The following LSAMP variants were observed in gnomAD, a reference collection of about 807,000 sequenced individuals.
LSAMP encodes limbic system-associated membrane protein.
A neutral mutation model predicts 38.6 loss-of-function variants in LSAMP; 7 were observed. The observed-to-expected ratio is 0.18, with a 90% CI of 0.10 to 0.34. The LOEUF (loss-of-function observed/expected upper bound fraction) is 0.34, where lower values mean the gene tolerates loss of function less well. LSAMP is among the 10% of genes least tolerant of loss of function. LSAMP has a pLI of 1.00. For synonymous variants in LSAMP, 154 were observed against 166.8 expected, an observed-to-expected ratio of 0.92 and a Z score of 0.59; for missense variants, 313 against 420.0, an observed-to-expected ratio of 0.75 and a Z score of 2.23.
intron 1 of LSAMP, among the ~76,000 whole-genome samples, chr3:116,139,913 T>G (rs1029205281): frequency 6.6e-6 from 1 of 152,006 alleles, no homozygotes; most frequent in Non-Finnish European, 1.5e-5. Context: ...CTTGTAGAAT[T>G]TATGGCCTAC....
At chr3:115,963,643 G>C (rs1378682629) in intron 3 of LSAMP, among the ~76,000 whole-genome samples, 2 of 152,010 alleles carry the variant, frequency 1.3e-5, no homozygotes, top group African/African-American at 2.4e-5. Flanking sequence ...GGTGTAAGAG[G>C]GTTTTAACTT....
intron 1 of LSAMP, among the ~76,000 whole-genome samples, chr3:116,095,698 C>T (rs1026009697): frequency 6.6e-6 from 1 of 152,178 alleles, no homozygotes; most frequent in Non-Finnish European, 1.5e-5. Flanking sequence ...CCAGTCACAG[C>T]TGGAGTTAGA....
At chr3:116,016,276 G>T (rs988630246) in intron 3 of LSAMP, among the ~76,000 whole-genome samples, 40 of 152,280 alleles carry the variant, frequency 2.6e-4, no homozygotes, top group African/African-American at 9.6e-4. Context: ...CCAGGAATAT[G>T]ATTATGATCA....
rs74562932 is a variant in LSAMP at position 116,216,802 on chromosome 3, C to T, written c.156-130246G>A. On this transcript the variant is annotated intron_variant, in intron 1 of 6. Transcript: ENST00000490035. ...TCTTGCAGTTCTGTTGAAATATTCA[C>T]AGCTAGTTTCTGCTTTACTTGATGG... Among the ~76,000 whole-genome samples the T allele has an allele frequency of 7.2e-5, 11 of 152,290 alleles. 1 individual carries two copies. The East Asian group carries it at 1.5e-3, about 21-fold the overall frequency.
chr3:115,902,265 G>A (rs1223721804), intron 3 of LSAMP, among the ~76,000 whole-genome samples: 1 of 151,852 alleles, frequency 6.6e-6, no homozygotes, highest in Admixed American at 6.6e-5. Context: ...ACTGAAAGTA[G>A]GAAGAAAATG....
At chr3:116,163,219 TC>T (rs1251403163) in intron 1 of LSAMP, among the ~76,000 whole-genome samples, 3 of 89,968 alleles carry the variant, frequency 3.3e-5, no homozygotes, top group South Asian at 4.9e-4. Flanking sequence ...ATGCTATCCC[TC>T]CCCCCTCCCC....
chr3:116,232,032 A>G (rs1458831515), intron 1 of LSAMP, among the ~76,000 whole-genome samples: 1 of 152,234 alleles, frequency 6.6e-6, no homozygotes, highest in East Asian at 1.9e-4. Context: ...TCAACCAGAA[A>G]CGTATTTCTA....
intron 3 of LSAMP, among the ~76,000 whole-genome samples, chr3:116,007,395 A>G (rs1426698452): frequency 1.3e-5 from 2 of 152,146 alleles, no homozygotes; most frequent in African/African-American, 4.8e-5. Context: ...TGAATTACCT[A>G]TTGAGGTTCC....
intron 1 of LSAMP, among the ~76,000 whole-genome samples, chr3:116,237,170 C>G (rs1271495433): frequency 6.6e-6 from 1 of 152,060 alleles, no homozygotes; most frequent in Non-Finnish European, 1.5e-5. Flanking sequence ...CCACTTTCTA[C>G]TCTCTACAGT....
chr3:116,108,901 C>T lies in LSAMP; in HGVS notation c.156-22345G>A, dbSNP rs534863387. ...TCACAGTGGAGGCAAGGAATTGCAA[C>T]TTTTTTCTGTTATTGTACACCTTGA... On this transcript the variant is annotated intron_variant, in intron 1 of 6. Coordinates refer to ENST00000490035, the MANE Select transcript of LSAMP (RefSeq NM_002338.5). 2.2e-3 allele frequency among the ~76,000 whole-genome samples: 337 copies of T among 152,200 alleles called. 2 individuals carry two copies. Among genetic ancestry groups the T allele is most frequent in the African/African-American group, 7.8e-3 (322 of 41,512 alleles).
At chr3:116,115,567 A>T (rs929578234) in intron 1 of LSAMP, among the ~76,000 whole-genome samples, 1 of 151,886 alleles carries the variant, frequency 6.6e-6, no homozygotes, top group Non-Finnish European at 1.5e-5. Flanking sequence ...CTGTTTATTT[A>T]ATTATTTTGG....
At chr3:116,149,267 A>G (rs963994659) in intron 1 of LSAMP, among the ~76,000 whole-genome samples, 3 of 152,028 alleles carry the variant, frequency 2.0e-5, no homozygotes, top group Non-Finnish European at 4.4e-5. Flanking sequence ...AATATGGGGA[A>G]GAAGGCTGGA....
intron 3 of LSAMP, among the ~76,000 whole-genome samples, chr3:115,861,089 C>T (rs1383617841): frequency 1.7e-5 from 2 of 118,900 alleles, no homozygotes; most frequent in Non-Finnish European, 3.4e-5. Flanking sequence ...TTCCTCCCCT[C>T]CCTCTCTCCC....
intron 2 of LSAMP, among the ~76,000 whole-genome samples, chr3:116,030,462 A>T (rs1940892904): frequency 6.6e-6 from 1 of 152,166 alleles, no homozygotes; most frequent in African/African-American, 2.4e-5. Context: ...TATTCCAGCC[A>T]TTTGGATATT....
intron 1 of LSAMP, among the ~76,000 whole-genome samples, chr3:116,181,687 T>A (rs1903436): frequency 1.3e-5 from 2 of 151,678 alleles, no homozygotes; most frequent in Non-Finnish European, 3.0e-5. Flanking sequence ...AGACAAATTA[T>A]TGTTATTATT....
intron 6 of LSAMP, among the ~76,000 whole-genome samples, chr3:115,811,320 G>A (rs542686468): frequency 2.0e-5 from 3 of 152,264 alleles, no homozygotes; most frequent in African/African-American, 7.2e-5. Flanking sequence ...AGAGGATTGG[G>A]GAGGAGGAAA....
intron 1 of LSAMP, among the ~76,000 whole-genome samples, chr3:116,118,393 C>T (rs1414253165): frequency 6.6e-6 from 1 of 152,168 alleles, no homozygotes; most frequent in African/African-American, 2.4e-5. Flanking sequence ...CAGCTTTTCC[C>T]ATTACTGGCT....
chr3:116,073,564 T>C (rs1353344573), intron 2 of LSAMP, among the ~76,000 whole-genome samples: 2 of 152,184 alleles, frequency 1.3e-5, no homozygotes, highest in African/African-American at 4.8e-5. Flanking sequence ...ACTTTTCCAT[T>C]TGTTTGTGTC....
At chr3:116,147,066 C>T (rs569494809) in intron 1 of LSAMP, among the ~76,000 whole-genome samples, 1 of 151,944 alleles carries the variant, frequency 6.6e-6, no homozygotes, top group Admixed American at 6.6e-5. Context: ...ACTTAAAGTT[C>T]TCTTTATTGT....
Sources: allele counts gnomAD v4.1 joint callset (sites outside exome capture counted in the v4.1 genomes callset), GRCh38; gene constraint gnomAD v4.1.1; transcripts MANE v1.5; gene names NCBI Gene and HGNC (gene_info 2026-07-23, HGNC 2026-07-21).